The following CALN1 variants were observed in gnomAD, a reference collection of about 807,000 sequenced individuals.
CALN1 encodes the protein calcium-binding protein 8.
A neutral mutation model predicts 30.6 loss-of-function variants in CALN1; 17 were observed. The observed-to-expected ratio is 0.56, with a 90% CI of 0.38 to 0.83. The LOEUF is 0.83. Ranked by LOEUF, CALN1 falls within the 40% of genes least tolerant of loss-of-function variation. CALN1 has a pLI of 0.00. For missense variants in CALN1, 291 were observed against 354.9 expected, an observed-to-expected ratio of 0.82 and a Z score of 1.45; for synonymous variants, 156 against 131.4, an observed-to-expected ratio of 1.19 and a Z score of -1.28.
intron 3 of CALN1, among the ~76,000 whole-genome samples, chr7:72,160,297 T>A (rs202127166): frequency 4.3e-5 from 5 of 115,590 alleles, no homozygotes; most frequent in South Asian, 2.8e-4. Context: ...TTTTTTTTTT[T>A]AAACAGAGTC....
Position 72,232,683 on chromosome 7 carries a change from C to T in CALN1, c.244+46003G>A, listed in dbSNP as rs567746327. Reference sequence around the variant, plus strand: ...CCATGTTGGCCAGGCTGGTCTTGAACTCCTGGCCTCAGGTGATCTGCCCAT... The same window carrying T: ...CCATGTTGGCCAGGCTGGTCTTGAATTCCTGGCCTCAGGTGATCTGCCCAT... On this transcript the variant is annotated intron_variant, in intron 3 of 6. Coordinates refer to ENST00000395275, the MANE Select transcript of CALN1 (RefSeq NM_031468.4). Among the ~76,000 whole-genome samples the T allele has an allele frequency of 3.6e-3, 545 of 152,348 alleles. 1 individual carries two copies. The highest frequency in any genetic ancestry group is 6.8e-3 in the South Asian group (33 of 4,830).
At chr7:72,045,747 C>A (rs1449090360) in intron 4 of CALN1, among the ~76,000 whole-genome samples, 1 of 152,072 alleles carries the variant, frequency 6.6e-6, no homozygotes, top group Non-Finnish European at 1.5e-5. Flanking sequence ...CACCTGTAAT[C>A]CCAACACTTT....
rs185288284 is a variant in CALN1 at position 72,158,896 on chromosome 7, C to T, written c.245-52602G>A. Among the ~76,000 whole-genome samples the T allele has an allele frequency of 1.9e-3, 288 of 152,208 alleles. 2 individuals are homozygous for T. The highest frequency in any genetic ancestry group is 6.3e-3 in the African/African-American group (262 of 41,548). ...TTTTTGAGATGGAGTCTCGCTCTGT[C>T]GCCCAGATCCGAGTACAGTGGTCTC... is the stretch of plus-strand genomic sequence containing the variant. On this transcript the variant is annotated intron_variant, in intron 3 of 6. Coordinates refer to ENST00000395275, the MANE Select transcript of CALN1 (RefSeq NM_031468.4).
rs779689666 is a variant in CALN1, at chr7:71,787,556, A to G, written c.*219T>C. On this transcript the variant is annotated 3_prime_UTR_variant, in exon 7 of 7. Coordinates refer to ENST00000395275, the MANE Select transcript of CALN1 (RefSeq NM_031468.4). The stretch of plus-strand genomic sequence containing the variant: ...ATTTATTGCATTAGAAAACAAAACC[A>G]TTAAAGCACTGAAGACAGCCCTTTA... 1 of 505,114 alleles carries G rather than the reference A, an allele frequency of 2.0e-6. No homozygotes were observed. The highest frequency in any genetic ancestry group is 3.4e-6 in the Non-Finnish European group (1 of 290,840). 31.3% of individuals were successfully genotyped at this position (505,114 alleles called of 1,614,324 possible).
intron 3 of CALN1, among the ~76,000 whole-genome samples, chr7:72,198,321 T>C (rs1791175546): frequency 6.6e-6 from 1 of 152,242 alleles, no homozygotes; most frequent in Admixed American, 6.5e-5. Flanking sequence ...GACGTTGGCT[T>C]CCTCTGCTCT....
chr7:71,932,686 G>A (rs1227383247), intron 5 of CALN1, among the ~76,000 whole-genome samples: 4 of 151,492 alleles, frequency 2.6e-5, no homozygotes, highest in South Asian at 2.1e-4. Context: ...GCGTGGTGGC[G>A]GGCACCTGTA....
intron 2 of CALN1, among the ~76,000 whole-genome samples, chr7:72,294,316 A>G (rs2129555151): frequency 6.6e-6 from 1 of 152,332 alleles, no homozygotes; most frequent in South Asian, 2.1e-4. Context: ...AAACTAAAAA[A>G]CATTGAAGTA....
chr7:71,960,253 T>C (rs1000275356), intron 5 of CALN1, among the ~76,000 whole-genome samples: 9 of 152,212 alleles, frequency 5.9e-5, no homozygotes, highest in African/African-American at 1.7e-4. Context: ...CATGTATATA[T>C]TGCATCATGA....
intron 3 of CALN1, among the ~76,000 whole-genome samples, chr7:72,155,408 C>T (rs1307312035): frequency 6.6e-6 from 1 of 151,532 alleles, no homozygotes; most frequent in Admixed American, 6.6e-5. Flanking sequence ...AGGAGAATGG[C>T]TTGAACCTGG....
chr7:71,901,587 A>G (rs1170704990), intron 5 of CALN1, among the ~76,000 whole-genome samples: 1 of 152,202 alleles, frequency 6.6e-6, no homozygotes, highest in Non-Finnish European at 1.5e-5. Context: ...GACCAATGGA[A>G]CAGAATAGAG....
chr7:72,278,260 C>T (rs1393146226), intron 3 of CALN1, among the ~76,000 whole-genome samples: 4 of 152,096 alleles, frequency 2.6e-5, no homozygotes, highest in Non-Finnish European at 5.9e-5. Context: ...AGCACCATGG[C>T]CAGAAGTCAA....
intron 2 of CALN1, among the ~76,000 whole-genome samples, chr7:72,395,434 A>T (rs1374133079): frequency 6.6e-6 from 1 of 152,076 alleles, no homozygotes; most frequent in Non-Finnish European, 1.5e-5. Context: ...ATGAAGATAA[A>T]CCATTTTCTT....
Position 72,257,297 on chromosome 7 carries a change from G to C in CALN1, c.244+21389C>G, listed in dbSNP as rs1425032503. 5.3e-5 allele frequency among the ~76,000 whole-genome samples: 8 copies of C among 152,164 alleles called. No individual in the cohort carries two copies. In the East Asian group the frequency reaches 1.3e-3, roughly 26 times the overall value. ...CAATTTGGATTACAATTGTTGATGAGGTTTGGGTGGGGATACAGCCAAACC... is the reference window on the plus strand; with the variant it reads ...CAATTTGGATTACAATTGTTGATGACGTTTGGGTGGGGATACAGCCAAACC... On this transcript the variant is annotated intron_variant, in intron 3 of 6. Transcript: ENST00000395275.
intron 4 of CALN1, among the ~76,000 whole-genome samples, chr7:72,034,214 C>T (rs1326279181): frequency 1.3e-5 from 2 of 151,812 alleles, no homozygotes; most frequent in East Asian, 2.0e-4. Flanking sequence ...ATTAGCTGGG[C>T]GTGGTGGCGG....
chr7:71,979,468 G>T (rs546005080), intron 5 of CALN1, among the ~76,000 whole-genome samples: 2 of 152,064 alleles, frequency 1.3e-5, no homozygotes, highest in African/African-American at 2.4e-5. Context: ...CCTCACATGC[G>T]CAGTTCACAA....
intron 4 of CALN1, among the ~76,000 whole-genome samples, chr7:72,056,471 C>T (rs1452499334): frequency 6.6e-6 from 1 of 151,984 alleles, no homozygotes; most frequent in African/African-American, 2.4e-5. Flanking sequence ...GCTGAAAAGA[C>T]AGGTAAAGAA....
At chr7:71,849,556 T>TA (rs1790518419) in intron 5 of CALN1, among the ~76,000 whole-genome samples, 1 of 152,180 alleles carries the variant, frequency 6.6e-6, no homozygotes, top group South Asian at 2.1e-4. Context: ...GATGCTATTT[T>TA]AAATCTATCT....
At chr7:72,288,193 G>A (rs1324918123) in intron 2 of CALN1, among the ~76,000 whole-genome samples, 2 of 152,096 alleles carry the variant, frequency 1.3e-5, no homozygotes, top group African/African-American at 4.8e-5. Flanking sequence ...CCAAGATGGT[G>A]CACTCACATA....
intron 4 of CALN1, among the ~76,000 whole-genome samples, chr7:72,039,418 G>A (rs1801991987): frequency 1.3e-5 from 2 of 152,274 alleles, no homozygotes; most frequent in African/African-American, 4.8e-5. Context: ...AGAGAGTACT[G>A]GGCTGGTCCC....
Sources: gnomAD v4.1 joint callset for allele counts (sites outside exome capture counted in the v4.1 genomes callset) on GRCh38, gnomAD v4.1.1 for gene constraint, MANE v1.5 for transcripts, NCBI Gene and HGNC (gene_info 2026-07-23, HGNC 2026-07-21) for gene names.